COL19A1: variants seen among roughly 807,000 people sequenced by gnomAD.
COL19A1 encodes the protein collagen alpha-1(XIX) chain.
COL19A1 carries 159 observed loss-of-function variants against 190.2 expected under a neutral mutation model. That is an observed-to-expected ratio of 0.84 (90% confidence interval 0.73 to 0.95). The LOEUF (loss-of-function observed/expected upper bound fraction) is 0.95. Among genes scored for constraint, COL19A1 ranks in the 40% least tolerant of loss-of-function variants. COL19A1 has a pLI of 0.00. For missense variants in COL19A1, 1,418 were observed against 1,431.9 expected, an observed-to-expected ratio of 0.99 and a Z score of 0.16; for synonymous variants, 509 against 458.9, an observed-to-expected ratio of 1.11 and a Z score of -1.39.
intron 48 of COL19A1, 131 bp from the exon 49 acceptor site, chr6:70,199,477 C>T: frequency 1.5e-6 from 1 of 662,122 alleles, no homozygotes; most frequent in Admixed American, 3.9e-5. Context: ...GCAGTCAGAC[C>T]AGTTGGTAAA....
At chr6:70,106,961 C>T (rs947720672) in intron 16 of COL19A1, among the ~76,000 whole-genome samples, 3 of 152,158 alleles carry the variant, frequency 2.0e-5, no homozygotes, top group African/African-American at 7.2e-5. Flanking sequence ...ATGAAGCAGA[C>T]CAGGAGAATG....
intron 16 of COL19A1, among the ~76,000 whole-genome samples, chr6:70,120,033 G>C (rs1784796026): frequency 6.6e-6 from 1 of 152,218 alleles, no homozygotes; most frequent in South Asian, 2.1e-4. Context: ...AGAGGTTGCA[G>C]TGAGCTGAGA....
At chr6:70,205,183 A>G (rs1004494555) in intron 49 of COL19A1, among the ~76,000 whole-genome samples, 3 of 152,162 alleles carry the variant, frequency 2.0e-5, no homozygotes, top group African/African-American at 4.8e-5. Context: ...TATTTTTAAC[A>G]TATATTCTTT....
At chr6:69,887,500 A>C (rs1769023844) in intron 2 of COL19A1, among the ~76,000 whole-genome samples, 1 of 152,148 alleles carries the variant, frequency 6.6e-6, no homozygotes, top group African/African-American at 2.4e-5. Context: ...TGTAACTACT[A>C]CTCAGACCTA....
In COL19A1 at chr6:70,156,658, T is replaced by C. The variant is rs753876842; in HGVS notation, c.2239-12T>C. The C allele has an allele frequency of 6.2e-7, 1 of 1,611,280 alleles. No homozygotes were observed. The highest frequency in any genetic ancestry group is 1.7e-5 in the Admixed American group (1 of 59,808). On this transcript the variant is annotated splice_polypyrimidine_tract_variant and intron_variant, in intron 33 of 50. Transcript: ENST00000620364. ...TGATTGCATGTGCTAGCTGAATGTA[T>C]TGTCTTTTTAGGGAAGCAAAGGAGA...
intron 36 of COL19A1, among the ~76,000 whole-genome samples, chr6:70,165,294 T>C (rs1765079812): frequency 6.6e-6 from 1 of 152,248 alleles, no homozygotes; most frequent in Non-Finnish European, 1.5e-5. Flanking sequence ...TCACAAATTC[T>C]ATTTTCAGTC....
intron 15 of COL19A1, among the ~76,000 whole-genome samples, chr6:70,095,553 A>G (rs180723260): frequency 3.9e-5 from 6 of 152,328 alleles, no homozygotes; most frequent in Admixed American, 6.5e-5. Flanking sequence ...TATAACATAA[A>G]ATGTACCATC....
intron 14 of COL19A1, among the ~76,000 whole-genome samples, chr6:70,050,557 TA>T (rs1780148984): frequency 6.6e-6 from 1 of 152,072 alleles, no homozygotes; most frequent in South Asian, 2.1e-4. Context: ...AGGAAACAAA[TA>T]TTTTTTACTG....
chr6:69,909,275 C>T (rs2149984419), intron 4 of COL19A1, among the ~76,000 whole-genome samples: 1 of 152,142 alleles, frequency 6.6e-6, no homozygotes, highest in Admixed American at 6.5e-5. Context: ...CAGGACAGAA[C>T]ATTAGTAAAG....
At chr6:69,996,882 G>A (rs1776933234) in intron 11 of COL19A1, among the ~76,000 whole-genome samples, 2 of 147,846 alleles carry the variant, frequency 1.4e-5, no homozygotes, top group African/African-American at 2.6e-5. Flanking sequence ...CTTCTACCTT[G>A]TTAGACTGTA....
chr6:69,989,443 C>T (rs1268006073), intron 11 of COL19A1, among the ~76,000 whole-genome samples: 1 of 152,060 alleles, frequency 6.6e-6, no homozygotes, highest in African/African-American at 2.4e-5. Context: ...TCTAGAATAA[C>T]GTCCCTCTAT....
At chr6:69,901,187 A>G (rs1322738733) in intron 4 of COL19A1, among the ~76,000 whole-genome samples, 1 of 152,198 alleles carries the variant, frequency 6.6e-6, no homozygotes, top group Non-Finnish European at 1.5e-5. Context: ...TTTGTGTGAA[A>G]ATATGTATGT....
chr6:69,907,134 G>C (rs1231192401), intron 4 of COL19A1, among the ~76,000 whole-genome samples: 2 of 135,038 alleles, frequency 1.5e-5, no homozygotes, highest in Admixed American at 7.9e-5. Context: ...TTTTTGAGAC[G>C]GAGTCTCCAA....
At chr6:70,108,375 T>C (rs1784093679) in intron 16 of COL19A1, among the ~76,000 whole-genome samples, 1 of 152,120 alleles carries the variant, frequency 6.6e-6, no homozygotes, top group African/African-American at 2.4e-5. Context: ...TTTGTCACAT[T>C]TGTGTGCATA....
intron 14 of COL19A1, among the ~76,000 whole-genome samples, chr6:70,041,558 C>T (rs371012926): frequency 6.6e-5 from 10 of 152,132 alleles, no homozygotes; most frequent in African/African-American, 1.9e-4. Context: ...ATTACTACAT[C>T]GTACATAAGG....
At chr6:69,972,754 T>G (rs1373774531) in intron 11 of COL19A1, among the ~76,000 whole-genome samples, 1 of 152,232 alleles carries the variant, frequency 6.6e-6, no homozygotes, top group Non-Finnish European at 1.5e-5. Context: ...CCTAGTATAT[T>G]TCCAATTTTT....
At chr6:70,123,868 G>A (rs1271681849) in intron 17 of COL19A1, among the ~76,000 whole-genome samples, 5 of 149,768 alleles carry the variant, frequency 3.3e-5, no homozygotes, top group Non-Finnish European at 7.4e-5. Context: ...GCTAGATGAC[G>A]AGTTAGTGGG....
intron 14 of COL19A1, among the ~76,000 whole-genome samples, chr6:70,039,056 G>GA (rs111937768): frequency 2.6e-3 from 361 of 138,474 alleles, no homozygotes; most frequent in Middle Eastern, 7.8e-3. Context: ...GACTCCGTCT[G>GA]AAAAAAAAAA....
In COL19A1 at chr6:70,156,719, A is replaced by G; in HGVS notation, c.2288A>G (p.Asp763Gly). The change falls in exon 34 of 51, where the codon GAT becomes GGT. Residue 763 changes from aspartate to glycine, a missense_variant. Asp to Gly is a moderately conservative substitution (Grantham distance 94, BLOSUM62 -1). Transcript: ENST00000620364. Reference protein sequence around the residue: ...GYPGIPGEKGDEGLQGIPGIP... With the variant: ...GYPGIPGEKGGEGLQGIPGIP... Reference sequence around the variant, plus strand: ...CCTGGGATACCTGGGGAGAAAGGCGATGAGGTAACAGATTCTTTTCTGATT... The same window carrying G: ...CCTGGGATACCTGGGGAGAAAGGCGGTGAGGTAACAGATTCTTTTCTGATT... 1 of 1,609,238 alleles carries G rather than the reference A, an allele frequency of 6.2e-7. No individual in the cohort carries two copies. The highest frequency in any genetic ancestry group is 8.5e-7 in the Non-Finnish European group (1 of 1,176,818).
Sources: allele counts gnomAD v4.1 joint callset (sites outside exome capture counted in the v4.1 genomes callset), GRCh38; gene constraint gnomAD v4.1.1; transcripts MANE v1.5; gene names NCBI Gene and HGNC (gene_info 2026-07-23, HGNC 2026-07-21).